Variants in CYTH3 observed in about 807,000 individuals in gnomAD.
CYTH3 encodes cytohesin-3.
CYTH3 carries 23 observed loss-of-function variants against 55.1 expected under a neutral mutation model. That is an observed-to-expected ratio of 0.42 (90% CI 0.30 to 0.59). The LOEUF (loss-of-function observed/expected upper bound fraction) is 0.59, where lower values mean the gene tolerates loss of function less well. CYTH3 is among the 20% of genes least tolerant of loss of function. The pLI is 0.20. For synonymous variants in CYTH3, 249 were observed against 194.9 expected (o/e 1.28, Z -2.31); for missense variants, 413 against 524.8 (o/e 0.79, Z 2.08).
chr7:6,203,581 G>A (rs891498565), intron 1 of CYTH3, among the ~76,000 whole-genome samples: 4 of 152,206 alleles, frequency 2.6e-5, no homozygotes, highest in Non-Finnish European at 1.5e-5. Context: ...GAACTGCTGT[G>A]TCACTAATGC....
chr7:6,246,253 G>C (rs1413072033), intron 1 of CYTH3, among the ~76,000 whole-genome samples: 3 of 148,856 alleles, frequency 2.0e-5, no homozygotes, highest in African/African-American at 7.5e-5. Context: ...TTTTTTAAAA[G>C]AGACAGGGGT....
chr7:6,261,539 A>T (rs928800503), intron 1 of CYTH3, among the ~76,000 whole-genome samples: 3 of 151,880 alleles, frequency 2.0e-5, no homozygotes, highest in African/African-American at 7.3e-5. Context: ...ACATAGTGGG[A>T]CCCTGGCTCT....
chr7:6,231,169 C>A (rs1583181595), intron 1 of CYTH3, among the ~76,000 whole-genome samples: 1 of 152,244 alleles, frequency 6.6e-6, no homozygotes, highest in South Asian at 2.1e-4. Flanking sequence ...TGGGGACGGG[C>A]AGAGGGCTTC....
chr7:6,169,961 G>T lies in CYTH3; in HGVS notation c.823+574C>A, dbSNP rs1270078357. Reference sequence around the variant, plus strand: ...CCACACCGTGCACGGCGCAGCCCCAGCAAGTCCACAGATGGATCGGATGAA... The same window carrying T: ...CCACACCGTGCACGGCGCAGCCCCATCAAGTCCACAGATGGATCGGATGAA... On this transcript the variant is annotated intron_variant, in intron 9 of 12. Transcript: ENST00000350796. This position sits in a 1 kb window ranked among gnomAD's most constrained non-coding sequence, Gnocchi z 4.1. 1 of 156,280 alleles carries T rather than the reference G, an allele frequency of 6.4e-6. No individual in the cohort carries two copies. The highest frequency in any genetic ancestry group is 2.4e-5 in the African/African-American group (1 of 41,456). 9.7% of individuals were successfully genotyped at this position (156,280 alleles called of 1,614,324 possible).
chr7:6,179,814 C>T (rs1020771960), intron 4 of CYTH3, among the ~76,000 whole-genome samples: 1 of 136,368 alleles, frequency 7.3e-6, no homozygotes, highest in African/African-American at 2.7e-5. Context: ...ACACACCACA[C>T]ACACACCACA....
At chr7:6,174,465 G>A (rs373949709) in intron 5 of CYTH3, among the ~76,000 whole-genome samples, 3 of 151,746 alleles carry the variant, frequency 2.0e-5, no homozygotes, top group Non-Finnish European at 4.4e-5. Context: ...CTTCCCTGCA[G>A]CCTTGCTGGC....
chr7:6,189,454 A>G (rs542464312), intron 2 of CYTH3, among the ~76,000 whole-genome samples: 5 of 152,138 alleles, frequency 3.3e-5, no homozygotes, highest in African/African-American at 4.8e-5. Context: ...GACTACAGGT[A>G]CAAAACTTAG....
At position 6,271,813 on chromosome 7, in the gene CYTH3, T is replaced by C. The variant is rs572331089; in HGVS notation, c.34+661A>G. 1.8e-4 allele frequency among the ~76,000 whole-genome samples: 27 copies of C among 152,122 alleles called. No individual in the cohort carries two copies. In the South Asian group the frequency reaches 5.4e-3, roughly 30 times the overall value. On this transcript the variant is annotated intron_variant, in intron 1 of 12. Coordinates refer to ENST00000350796, the MANE Select transcript of CYTH3 (RefSeq NM_004227.4). ...GCCTCTGTGCTGGGTGCAGCTCGTG[T>C]CTCCCACCCTCGGCTCCACGGAGTT...
chr7:6,232,431 A>G (rs2128553840), intron 1 of CYTH3, among the ~76,000 whole-genome samples: 1 of 152,278 alleles, frequency 6.6e-6, no homozygotes, highest in African/African-American at 2.4e-5. Context: ...TTCTAAGGCT[A>G]TCGTGACAGG....
intron 1 of CYTH3, among the ~76,000 whole-genome samples, chr7:6,206,080 C>G (rs1784181825): frequency 6.6e-6 from 1 of 152,032 alleles, no homozygotes; most frequent in Non-Finnish European, 1.5e-5. Flanking sequence ...AAAGTTAAAA[C>G]AGTTTGCATT....
intron 4 of CYTH3, among the ~76,000 whole-genome samples, chr7:6,179,711 A>C (rs1479607077): frequency 7.9e-5 from 6 of 75,520 alleles, no homozygotes; most frequent in Admixed American, 3.3e-4. Flanking sequence ...CCCCACACAC[A>C]CCCCACACAC....
chr7:6,165,212 C>G lies in CYTH3; in HGVS notation c.1127+61G>C, dbSNP rs909637053. 9 of 1,574,546 alleles carry G rather than the reference C, an allele frequency of 5.7e-6. No individual in the cohort carries two copies. In the African/African-American group the frequency reaches 1.2e-4, roughly 21 times the overall value. ...CGGAAGCATCCATGTTCCAGACCATCCCCCGCCCTCCAACCGGCACGAGAA... is the reference window on the plus strand; with the variant it reads ...CGGAAGCATCCATGTTCCAGACCATGCCCCGCCCTCCAACCGGCACGAGAA... On this transcript the variant is annotated intron_variant, in intron 12 of 12. Coordinates refer to ENST00000350796, the MANE Select transcript of CYTH3 (RefSeq NM_004227.4).
rs565357555 is a variant in CYTH3, at chr7:6,169,874, C to T, written c.823+661G>A. Among the ~76,000 whole-genome samples, 4 of 152,224 alleles carry T rather than the reference C, an allele frequency of 2.6e-5. No individual in the cohort carries two copies. The South Asian group carries it at 8.3e-4, about 32-fold the overall frequency. ...GGGCAAGTTGGTTCCCACACAGCAT[C>T]CCCATGTGCTCCAGGTCCCAGCCAC... On this transcript the variant is annotated intron_variant, in intron 9 of 12. Transcript: ENST00000350796. The surrounding 1 kb of genome is among the most constrained non-coding windows in gnomAD (Gnocchi z 4.1).
At chr7:6,192,341 C>T (rs977637180) in intron 1 of CYTH3, among the ~76,000 whole-genome samples, 6 of 151,812 alleles carry the variant, frequency 4.0e-5, no homozygotes, top group Non-Finnish European at 5.9e-5. Context: ...CCTCAGCCTC[C>T]CAAGTAGCTA....
chr7:6,197,304 G>A (rs909822238), intron 1 of CYTH3, among the ~76,000 whole-genome samples: 9 of 152,146 alleles, frequency 5.9e-5, no homozygotes, highest in Non-Finnish European at 2.9e-5. Flanking sequence ...GCTGTGTAGA[G>A]AAATGTCTTT....
intron 6 of CYTH3, chr7:6,173,207 G>A (rs909631629): frequency 1.4e-4 from 42 of 302,490 alleles, no homozygotes; most frequent in African/African-American, 8.9e-4. Flanking sequence ...GCTCAAGGGG[G>A]CATCCAGGGA....
intron 9 of CYTH3, among the ~76,000 whole-genome samples, chr7:6,168,958 TA>T (rs1435054074): frequency 6.6e-6 from 1 of 152,170 alleles, no homozygotes. Context: ...CATTTCCGGT[TA>T]CATTCCCCCC....
At chr7:6,225,015 C>T (rs1449254870) in intron 1 of CYTH3, among the ~76,000 whole-genome samples, 1 of 152,108 alleles carries the variant, frequency 6.6e-6, no homozygotes, top group Non-Finnish European at 1.5e-5. Context: ...AGACAGAAAC[C>T]ACATTAGCCA....
intron 1 of CYTH3, among the ~76,000 whole-genome samples, chr7:6,254,770 A>C (rs1780058120): frequency 6.6e-6 from 1 of 152,150 alleles, no homozygotes; most frequent in African/African-American, 2.4e-5. Flanking sequence ...CTTGCTTTCA[A>C]ATGGGTTCAG....
Sources: allele counts gnomAD v4.1 joint callset (sites outside exome capture counted in the v4.1 genomes callset), GRCh38; gene constraint gnomAD v4.1.1; non-coding constraint Gnocchi (gnomAD v3.1); transcripts MANE v1.5; gene names NCBI Gene and HGNC (gene_info 2026-07-23, HGNC 2026-07-21).